The following UBE2G1 variants were observed in gnomAD, a reference collection of about 807,000 sequenced individuals.
UBE2G1 encodes the protein ubiquitin-conjugating enzyme E2 G1.
Under a neutral mutation model 22.7 loss-of-function variants are expected in UBE2G1, and 5 were observed. That is an observed-to-expected ratio of 0.22 (90% confidence interval 0.12 to 0.46). The LOEUF is 0.46. UBE2G1 is among the 20% of genes least tolerant of loss of function. UBE2G1 has a pLI of 0.99. For missense variants in UBE2G1, 88 were observed against 203.9 expected, an observed-to-expected ratio of 0.43 and a Z score of 3.46; for synonymous variants, 74 against 67.5, an observed-to-expected ratio of 1.10 and a Z score of -0.47.
At chr17:4,301,826 A>T in intron 2 of UBE2G1, 2 of 530,436 alleles carry the variant, frequency 3.8e-6, no homozygotes, top group Non-Finnish European at 7.3e-6. Flanking sequence ...ACAATTTAGC[A>T]TGGCTAGAAT....
chr17:4,338,620 T>C (rs1366365226), intron 1 of UBE2G1, among the ~76,000 whole-genome samples: 1 of 152,192 alleles, frequency 6.6e-6, no homozygotes, highest in Admixed American at 6.5e-5. Flanking sequence ...CAGCAGAGTA[T>C]ACTCAATAAA....
intron 1 of UBE2G1, among the ~76,000 whole-genome samples, chr17:4,316,071 G>A (rs963465326): frequency 7.9e-5 from 12 of 151,970 alleles, no homozygotes; most frequent in Non-Finnish European, 1.6e-4. Flanking sequence ...TCAAAGTGCT[G>A]GGATTACAAG....
intron 1 of UBE2G1, among the ~76,000 whole-genome samples, chr17:4,329,109 GAAAAAAA>G (rs56962666): frequency 0.19 from 17,234 of 92,046 alleles, 1,229 homozygotes; most frequent in Middle Eastern, 0.28. Context: ...GTCTCAAAAA[GAAAAAAA>G]AAAAAAAAAA....
intron 1 of UBE2G1, among the ~76,000 whole-genome samples, chr17:4,355,282 CG>C (rs1347740985): frequency 2.0e-5 from 3 of 150,972 alleles, no homozygotes; most frequent in East Asian, 4.1e-4. Flanking sequence ...GGATTACAGG[CG>C]TGAGTCACTC....
chr17:4,329,630 G>A (rs1325334882), intron 1 of UBE2G1, among the ~76,000 whole-genome samples: 2 of 151,862 alleles, frequency 1.3e-5, no homozygotes, highest in Non-Finnish European at 2.9e-5. Context: ...CATAATTTAA[G>A]GACTTTAATA....
In UBE2G1 at chr17:4,338,778, A is replaced by G. The variant is rs368872419; in HGVS notation, c.46+27493T>C. ...AAATATTTAACAGCAGGTATAGAAT[A>G]GATGCCGATCAATCAGAAAAAATGC... On this transcript the variant is annotated intron_variant, in intron 1 of 5. Coordinates refer to ENST00000396981, the MANE Select transcript of UBE2G1 (RefSeq NM_003342.5). Among the ~76,000 whole-genome samples, 5 of 152,362 alleles carry G rather than the reference A, an allele frequency of 3.3e-5. No homozygotes were observed. In the East Asian group the frequency reaches 9.6e-4, roughly 29 times the overall value.
At chr17:4,287,913 A>G (rs1385290923) in intron 4 of UBE2G1, among the ~76,000 whole-genome samples, 2 of 152,168 alleles carry the variant, frequency 1.3e-5, no homozygotes, top group African/African-American at 2.4e-5. Context: ...TGGCAGCTAT[A>G]AAGAATACTG....
At chr17:4,278,911 C>T (rs1302193101) in intron 5 of UBE2G1, among the ~76,000 whole-genome samples, 1 of 152,100 alleles carries the variant, frequency 6.6e-6, no homozygotes, top group Non-Finnish European at 1.5e-5. Flanking sequence ...GGACTTAAAC[C>T]TTTGCATTTG....
Position 4,271,726 on chromosome 17 carries a change from T to G in UBE2G1, c.*828A>C, listed in dbSNP as rs1968761849. The G allele has an allele frequency of 1.3e-5, 2 of 148,834 alleles. No homozygotes were observed. The highest frequency in any genetic ancestry group is 3.0e-5 in the Non-Finnish European group (2 of 67,394). The allele number at this position is 148,834 out of a possible 1,614,324, so 9.2% of individuals were successfully genotyped here. A position where few individuals can be genotyped will look rare whatever the true frequency, so the allele number is the denominator to read the frequency against. On this transcript the variant is annotated 3_prime_UTR_variant, in exon 6 of 6. Transcript: ENST00000396981. ...AGGGAAAAGTCAGATTTGCTATTGT[T>G]TGGGGAAATTTTCAGTAAGTTGAAT...
At chr17:4,296,586 A>T in intron 3 of UBE2G1, 131 bp downstream of exon 3, 1 of 826,524 alleles carries the variant, frequency 1.2e-6, no homozygotes, top group Non-Finnish European at 2.0e-6. Context: ...GTACACAGCC[A>T]TGTGCACAAT....
At chr17:4,337,025 T>C (rs1297099802) in intron 1 of UBE2G1, among the ~76,000 whole-genome samples, 1 of 152,138 alleles carries the variant, frequency 6.6e-6, no homozygotes, top group Non-Finnish European at 1.5e-5. Context: ...CTTAATGCAG[T>C]AGACTTGACA....
chr17:4,288,237 A>C (rs1968992583), intron 4 of UBE2G1, among the ~76,000 whole-genome samples: 1 of 152,180 alleles, frequency 6.6e-6, no homozygotes, highest in Admixed American at 6.5e-5. Context: ...TGAACTTCAG[A>C]CCAGGCATTA....
chr17:4,301,040 TG>T (rs1212973321), intron 2 of UBE2G1, among the ~76,000 whole-genome samples: 2 of 152,180 alleles, frequency 1.3e-5, no homozygotes, highest in African/African-American at 4.8e-5. Flanking sequence ...CCTCCATTAC[TG>T]TTTTTGAGTT....
rs1160862747 is a variant in UBE2G1, at chr17:4,348,011, A to AC, written c.46+18259dup. Reference sequence around the variant, plus strand: ...AATACTGAAATTAAGTCAAATAATAACCCTAGAATGGCCTCTAAATGTTCA... The same window carrying AC: ...AATACTGAAATTAAGTCAAATAATAACCCCTAGAATGGCCTCTAAATGTTCA... On this transcript the variant is annotated intron_variant, in intron 1 of 5. Coordinates refer to ENST00000396981, the MANE Select transcript of UBE2G1 (RefSeq NM_003342.5). Among the ~76,000 whole-genome samples the AC allele has an allele frequency of 2.1e-4, 32 of 152,302 alleles. 1 individual carries two copies. In the East Asian group the frequency reaches 6.0e-3, roughly 28 times the overall value.
chr17:4,293,095 C>G lies in UBE2G1; in HGVS notation c.247+3622G>C, dbSNP rs571065075. ...AATCAATTTTAGAGTATTTTTTCAC[C>G]CTACAATGAAACGCAGTACCAGTTA... On this transcript the variant is annotated intron_variant, in intron 3 of 5. Transcript: ENST00000396981. 2.0e-5 allele frequency among the ~76,000 whole-genome samples: 3 copies of G among 152,142 alleles called. No individual in the cohort carries two copies. The South Asian group carries it at 6.2e-4, about 31-fold the overall frequency.
At chr17:4,302,418 T>A (rs573123431) in intron 2 of UBE2G1, 4 of 507,668 alleles carry the variant, frequency 7.9e-6, no homozygotes, top group African/African-American at 1.9e-5. Context: ...CCTGTGCATT[T>A]TGGCCAACAG....
chr17:4,366,541 C>T lies in UBE2G1; in HGVS notation c.-225G>A, dbSNP rs943238756. ...ACTCACGCCCGGAAGGGGAGGGTGC[C>T]CGGGCTGCCGCGGCGCGCACTGGGA... On this transcript the variant is annotated 5_prime_UTR_variant, in exon 1 of 6. Transcript: ENST00000396981. 4.8e-6 allele frequency: 2 copies of T among 418,360 alleles called. No individual in the cohort carries two copies. Among genetic ancestry groups the T allele is most frequent in the Non-Finnish European group, 8.4e-6 (2 of 238,226 alleles). 25.9% of individuals were successfully genotyped at this position (418,360 alleles called of 1,614,324 possible).
intron 1 of UBE2G1, among the ~76,000 whole-genome samples, chr17:4,330,517 C>G (rs1346945072): frequency 6.8e-6 from 1 of 148,112 alleles, no homozygotes; most frequent in Non-Finnish European, 1.5e-5. Flanking sequence ...GTGGGCGGAT[C>G]ACCTGAGGTC....
At chr17:4,328,040 C>CT in intron 1 of UBE2G1, among the ~76,000 whole-genome samples, 1 of 152,246 alleles carries the variant, frequency 6.6e-6, no homozygotes, top group South Asian at 2.1e-4. Context: ...TGCAAGTAGA[C>CT]CGATACTCTC....
Sources: gnomAD v4.1 joint callset for allele counts (sites outside exome capture counted in the v4.1 genomes callset) on GRCh38, gnomAD v4.1.1 for gene constraint, MANE v1.5 for transcripts, NCBI Gene and HGNC (gene_info 2026-07-23, HGNC 2026-07-21) for gene names.